MICAL3: variants seen among roughly 807,000 people sequenced by gnomAD.
The protein encoded by MICAL3 is microtubule associated monooxygenase, calponin and LIM domain containing 3, also known as [F-actin]-monooxygenase MICAL3.
In MICAL3, 62 loss-of-function variants were observed where a neutral mutation model predicts 207.4. The observed-to-expected ratio is 0.30, with a 90% CI of 0.24 to 0.37. The LOEUF is 0.37. MICAL3 is among the 10% of genes least tolerant of loss of function. The pLI is 1.00. For synonymous variants in MICAL3, 1,077 were observed against 1,069.3 expected, an observed-to-expected ratio of 1.01 and a Z score of -0.14; for missense variants, 2,368 against 2,635.6, an observed-to-expected ratio of 0.90 and a Z score of 2.22.
intron 1 of MICAL3, among the ~76,000 whole-genome samples, chr22:18,010,727 G>A (rs574073506): frequency 1.3e-5 from 2 of 152,298 alleles, no homozygotes; most frequent in African/African-American, 4.8e-5. Flanking sequence ...GGGAGGTGGA[G>A]ACCTGGAGGG....
At chr22:17,954,810 GAT>G (rs1934533847) in intron 1 of MICAL3, among the ~76,000 whole-genome samples, 2 of 151,250 alleles carry the variant, frequency 1.3e-5, no homozygotes, top group African/African-American at 4.9e-5. Flanking sequence ...GTAGTGGTGC[GAT>G]CTCAGCTCAC....
chr22:17,910,893 T>G (rs1280624361), intron 1 of MICAL3, among the ~76,000 whole-genome samples: 27 of 152,144 alleles, frequency 1.8e-4, no homozygotes, highest in Admixed American at 1.8e-3. Context: ...CACCACCCTG[T>G]GTACAGTTCA....
chr22:17,970,286 G>A (rs554990576), intron 1 of MICAL3, among the ~76,000 whole-genome samples: 15 of 147,168 alleles, frequency 1.0e-4, no homozygotes, highest in African/African-American at 3.3e-4. Flanking sequence ...CTGCCATTCC[G>A]TCTGTCCTTG....
intron 19 of MICAL3, among the ~76,000 whole-genome samples, chr22:17,849,961 G>T (rs1341142317): frequency 1.3e-5 from 2 of 152,026 alleles, no homozygotes; most frequent in East Asian, 3.8e-4. Context: ...AAAGTGCTGG[G>T]ATTACAGATG....
intron 1 of MICAL3, among the ~76,000 whole-genome samples, chr22:17,944,629 C>G (rs984160442): frequency 6.6e-6 from 1 of 152,172 alleles, no homozygotes; most frequent in Non-Finnish European, 1.5e-5. Flanking sequence ...AGTGAGCACA[C>G]GCACCCACTG....
chr22:17,820,315 C>G (rs1044757250), intron 25 of MICAL3, among the ~76,000 whole-genome samples: 1 of 152,170 alleles, frequency 6.6e-6, no homozygotes, highest in Admixed American at 6.5e-5. Context: ...GCAGCATTCT[C>G]CATGTGGTTC....
chr22:17,991,684 G>A (rs1385104225), intron 1 of MICAL3, among the ~76,000 whole-genome samples: 1 of 152,114 alleles, frequency 6.6e-6, no homozygotes. Context: ...CTATTTGAAT[G>A]GACCTGATCA....
chr22:17,943,765 T>C (rs1028318879), intron 1 of MICAL3, among the ~76,000 whole-genome samples: 1 of 152,238 alleles, frequency 6.6e-6, no homozygotes, highest in Non-Finnish European at 1.5e-5. Flanking sequence ...GTTTGAGCTT[T>C]ATGCCATGAC....
chr22:17,864,636 G>A (rs1388928124), intron 19 of MICAL3: 23 of 1,580,040 alleles, frequency 1.5e-5, no homozygotes, highest in African/African-American at 4.1e-5. Flanking sequence ...CGGCTCTGCC[G>A]CCCACCGGAC....
intron 1 of MICAL3, among the ~76,000 whole-genome samples, chr22:18,020,569 T>G (rs538144506): frequency 1.4e-5 from 2 of 145,070 alleles, no homozygotes; most frequent in Non-Finnish European, 3.0e-5. Context: ...TTCATGGTGC[T>G]AAATGTATAC....
In MICAL3 at chr22:17,823,045, T is replaced by A; in HGVS notation, c.3209A>T (p.Asn1070Ile). Residue 1070 changes from asparagine to isoleucine, a missense_variant, in exon 23 of 32, where the codon AAT becomes ATT. Physicochemically the swap from Asn to Ile is moderately radical, Grantham distance 149 (BLOSUM62 -3). This residue lies in a region of MICAL3 where 1,770 missense variants were observed against 1,863.2 expected (regional missense o/e 0.95). Transcript: ENST00000441493. ...TGAGTCCACATCTTCCTCTAGGTCATTCTCATCCAATGGGGCTGCAAAGCA... is the reference window on the plus strand; with the variant it reads ...TGAGTCCACATCTTCCTCTAGGTCAATCTCATCCAATGGGGCTGCAAAGCA... ...SSASGAPLDE[N>I]DLEEDVDSEP... 6.2e-7 allele frequency: 1 copy of A among 1,611,980 alleles called. No individual in the cohort carries two copies. The highest frequency in any genetic ancestry group is 1.1e-5 in the South Asian group (1 of 91,054).
chr22:17,927,410 T>C (rs1932973952), intron 1 of MICAL3, among the ~76,000 whole-genome samples: 1 of 152,236 alleles, frequency 6.6e-6, no homozygotes, highest in Admixed American at 6.5e-5. Flanking sequence ...AAATACACCC[T>C]GCTCAAGTGT....
intron 26 of MICAL3, 47 bp downstream of exon 26, chr22:17,817,264 C>T (rs767146198): frequency 9.9e-6 from 15 of 1,521,950 alleles, no homozygotes; most frequent in Non-Finnish European, 1.3e-5. Flanking sequence ...CAGCCCCTCC[C>T]GCACCCCTCC....
intron 29 of MICAL3, among the ~76,000 whole-genome samples, chr22:17,802,126 G>A (rs1400469153): frequency 6.6e-6 from 1 of 150,792 alleles, no homozygotes; most frequent in Non-Finnish European, 1.5e-5. Flanking sequence ...GCAGTGCTGC[G>A]ATCACAGCTC....
intron 1 of MICAL3, among the ~76,000 whole-genome samples, chr22:17,929,015 G>A (rs532807298): frequency 1.1e-4 from 16 of 151,078 alleles, no homozygotes; most frequent in Non-Finnish European, 2.2e-4. Flanking sequence ...GGATGGTCTC[G>A]AACTCCTGAC....
At chr22:17,895,619 G>A (rs1489794584) in intron 9 of MICAL3, among the ~76,000 whole-genome samples, 2 of 151,958 alleles carry the variant, frequency 1.3e-5, no homozygotes, top group African/African-American at 2.4e-5. Flanking sequence ...AAGAGCCGAG[G>A]AGAGAGAGCA....
chr22:17,836,990 TTTAAA>T (rs1445271830), intron 20 of MICAL3, among the ~76,000 whole-genome samples: 4 of 152,192 alleles, frequency 2.6e-5, no homozygotes, highest in Non-Finnish European at 4.4e-5. Flanking sequence ...GGTTTTCACT[TTTAAA>T]TTAACCTGCT....
At chr22:17,972,421 G>C (rs936480446) in intron 1 of MICAL3, among the ~76,000 whole-genome samples, 9 of 152,174 alleles carry the variant, frequency 5.9e-5, no homozygotes, top group African/African-American at 1.4e-4. Context: ...ACCAGGCTAA[G>C]CTACCTGGGA....
At chr22:17,855,136 G>A (rs1925760836) in intron 19 of MICAL3, among the ~76,000 whole-genome samples, 3 of 152,170 alleles carry the variant, frequency 2.0e-5, no homozygotes, top group Admixed American at 6.5e-5. Flanking sequence ...CAGCTGGCAG[G>A]CACAACCAGG....
Sources: allele counts gnomAD v4.1 joint callset (sites outside exome capture counted in the v4.1 genomes callset), GRCh38; gene constraint gnomAD v4.1.1; regional missense constraint gnomAD v4.1.1; transcripts MANE v1.5; gene names NCBI Gene and HGNC (gene_info 2026-07-23, HGNC 2026-07-21).